The following CRACDL variants were observed in gnomAD, a reference collection of about 807,000 sequenced individuals.
CRACDL encodes CRACD-like protein.
Under a neutral mutation model 70.6 loss-of-function variants are expected in CRACDL, and 26 were observed. The observed-to-expected ratio is 0.37, with a 90% CI of 0.27 to 0.51. The LOEUF (loss-of-function observed/expected upper bound fraction) is 0.51, where lower values mean the gene tolerates loss of function less well. Ranked by LOEUF, CRACDL falls within the 20% of genes least tolerant of loss-of-function variation. The pLI is 0.94. For synonymous variants in CRACDL, 618 were observed against 615.2 expected, an observed-to-expected ratio of 1.00 and a Z score of -0.07; for missense variants, 1,283 against 1,376.9, an observed-to-expected ratio of 0.93 and a Z score of 1.08.
chr2:98,850,841 C>T (rs1706453062), intron 1 of CRACDL, among the ~76,000 whole-genome samples: 1 of 152,182 alleles, frequency 6.6e-6, no homozygotes, highest in Admixed American at 6.5e-5. Flanking sequence ...CCCTAACTGA[C>T]CACAGCCTCC....
In CRACDL at chr2:98,899,808, C is replaced by G. The variant is rs538089837; in HGVS notation, c.-11+36130G>C. Among the ~76,000 whole-genome samples, 812 of 111,596 alleles carry G rather than the reference C, an allele frequency of 7.3e-3. 14 individuals are homozygous for G. Among genetic ancestry groups the G allele is most frequent in the African/African-American group, 0.027 (769 of 28,392 alleles). The allele number at this position is 111,596 out of a possible 152,430, so 73.2% of individuals were successfully genotyped here. On this transcript the variant is annotated intron_variant, in intron 1 of 9. Coordinates refer to ENST00000397899, the MANE Select transcript of CRACDL (RefSeq NM_207362.3). ...CAGGAGGGGAGGCAGGGAATGGAGG[C>G]TCAGTGGGAGGGGAGGCAGATGGAC...
At chr2:98,865,316 G>A (rs75845927) in intron 1 of CRACDL, among the ~76,000 whole-genome samples, 2 of 152,174 alleles carry the variant, frequency 1.3e-5, no homozygotes, top group East Asian at 3.9e-4. Flanking sequence ...AGACCAATCT[G>A]TCCCTTCAGG....
intron 1 of CRACDL, among the ~76,000 whole-genome samples, chr2:98,928,965 G>A (rs1468539887): frequency 2.0e-5 from 3 of 152,096 alleles, no homozygotes; most frequent in Non-Finnish European, 4.4e-5. Context: ...CCCATGGAGA[G>A]GTGTGGCCAT....
chr2:98,827,483 G>T lies in CRACDL; in HGVS notation c.541-314C>A, dbSNP rs576075310. ...ATTTTTGTATTTTTAGTAGAGACAG[G>T]GTTTCACCATGTTGGCCAGGCTGGT... On this transcript the variant is annotated intron_variant, in intron 5 of 9. Coordinates refer to ENST00000397899, the MANE Select transcript of CRACDL (RefSeq NM_207362.3). Among the ~76,000 whole-genome samples, 14 of 152,254 alleles carry T rather than the reference G, an allele frequency of 9.2e-5. No homozygotes were observed. In the East Asian group the frequency reaches 1.9e-3, roughly 21 times the overall value.
rs1708151667 is a variant in CRACDL at position 98,897,278 on chromosome 2, T to C, written c.-11+38660A>G. ...TTTGAGCTTCATCCAAGCTGTTGCA[T>C]GTACCGGTGGTTTGTTCCTTTTACC... On this transcript the variant is annotated intron_variant, in intron 1 of 9. Transcript: ENST00000397899. 11 of 651,110 alleles carry C rather than the reference T, an allele frequency of 1.7e-5. No individual in the cohort carries two copies. In the South Asian group the frequency reaches 1.7e-4, roughly 10 times the overall value. The allele number at this position is 651,110 out of a possible 1,614,324, so 40.3% of individuals were successfully genotyped here.
At chr2:98,803,125 G>A (rs538092590) in intron 7 of CRACDL, among the ~76,000 whole-genome samples, 5 of 150,038 alleles carry the variant, frequency 3.3e-5, no homozygotes, top group Non-Finnish European at 7.4e-5. Context: ...TCAGCCTCCC[G>A]AGTAGCTGGG....
At position 98,795,075 on chromosome 2, in the gene CRACDL, A is replaced by ATTTTTTT. The variant is rs1310155610; in HGVS notation, c.2750-405_2750-404insAAAAAAA. On this transcript the variant is annotated intron_variant, in intron 9 of 9. Transcript: ENST00000397899. ...TATATATATATATATATATATATAT[A>ATTTTTTT]TATTTTTTTTTTTTTTTGAGACAGA... Among the ~76,000 whole-genome samples, 68 of 24,462 alleles carry ATTTTTTT rather than the reference A, an allele frequency of 2.8e-3. 5 individuals are homozygous for ATTTTTTT. Among genetic ancestry groups the ATTTTTTT allele is most frequent in the East Asian group, 0.019 (14 of 732 alleles). 16.0% of individuals were successfully genotyped at this position (24,462 alleles called of 152,430 possible). A position where few individuals can be genotyped will look rare whatever the true frequency, so the allele number is the denominator to read the frequency against.
At chr2:98,818,707 T>A (rs1704899174) in intron 7 of CRACDL, among the ~76,000 whole-genome samples, 1 of 152,202 alleles carries the variant, frequency 6.6e-6, no homozygotes, top group Admixed American at 6.5e-5. Flanking sequence ...GTAGAAGTGA[T>A]AATAATCAAT....
chr2:98,861,576 A>G (rs951321685), intron 1 of CRACDL, among the ~76,000 whole-genome samples: 21 of 152,174 alleles, frequency 1.4e-4, no homozygotes, highest in African/African-American at 4.3e-4. Flanking sequence ...ACATTCCTAG[A>G]TATCTACCTC....
intron 6 of CRACDL, among the ~76,000 whole-genome samples, chr2:98,826,741 T>C (rs1265674191): frequency 2.0e-5 from 3 of 152,218 alleles, no homozygotes; most frequent in Non-Finnish European, 4.4e-5. Context: ...GTGTGAGGAA[T>C]GACGGACAGA....
intron 1 of CRACDL, among the ~76,000 whole-genome samples, chr2:98,898,053 A>G (rs1708176178): frequency 6.6e-6 from 1 of 152,234 alleles, no homozygotes; most frequent in Admixed American, 6.5e-5. Context: ...AGGTTGTCAC[A>G]TATAATCCAA....
At chr2:98,854,750 C>T (rs1329149120) in intron 1 of CRACDL, among the ~76,000 whole-genome samples, 2 of 152,062 alleles carry the variant, frequency 1.3e-5, no homozygotes, top group African/African-American at 4.8e-5. Flanking sequence ...CAGACAAACC[C>T]AAATGAGAGA....
At chr2:98,798,217 T>C (rs1250457218) in intron 7 of CRACDL, among the ~76,000 whole-genome samples, 1 of 152,052 alleles carries the variant, frequency 6.6e-6, no homozygotes, top group Non-Finnish European at 1.5e-5. Flanking sequence ...TGGTGGCACA[T>C]GCCTGTAGTC....
At chr2:98,871,991 A>G (rs1707362027) in intron 1 of CRACDL, among the ~76,000 whole-genome samples, 1 of 152,226 alleles carries the variant, frequency 6.6e-6, no homozygotes, top group Non-Finnish European at 1.5e-5. Context: ...ACACCGCCAT[A>G]AAAAAGAATG....
rs148680541 is a variant in CRACDL at position 98,877,925 on chromosome 2, C to A, written c.-10-31115G>T. Among the ~76,000 whole-genome samples, 5 of 151,212 alleles carry A rather than the reference C, an allele frequency of 3.3e-5. No individual in the cohort carries two copies. In the East Asian group the frequency reaches 5.8e-4, roughly 18 times the overall value. On this transcript the variant is annotated intron_variant, in intron 1 of 9. Transcript: ENST00000397899. Reference sequence around the variant, plus strand: ...TGCAAGCTCCATTCATAGTAAGGAACTATAATGTTGTACCATTTTTAATCT... The same window carrying A: ...TGCAAGCTCCATTCATAGTAAGGAAATATAATGTTGTACCATTTTTAATCT...
At chr2:98,921,257 C>G (rs1361330760) in intron 1 of CRACDL, among the ~76,000 whole-genome samples, 2 of 152,228 alleles carry the variant, frequency 1.3e-5, no homozygotes, top group Non-Finnish European at 2.9e-5. Context: ...GAAGGTCCCA[C>G]CCAGCCCTCC....
At chr2:98,878,750 A>G (rs959155588) in intron 1 of CRACDL, among the ~76,000 whole-genome samples, 2 of 152,210 alleles carry the variant, frequency 1.3e-5, no homozygotes, top group Non-Finnish European at 2.9e-5. Context: ...TAAGCTAAAA[A>G]TATTGTAGTG....
At chr2:98,803,950 C>T (rs929030649) in intron 7 of CRACDL, among the ~76,000 whole-genome samples, 2 of 152,120 alleles carry the variant, frequency 1.3e-5, no homozygotes, top group Non-Finnish European at 2.9e-5. Context: ...ACACATGGGG[C>T]CACACCACTG....
chr2:98,870,890 C>G (rs1407946633), intron 1 of CRACDL, among the ~76,000 whole-genome samples: 1 of 152,206 alleles, frequency 6.6e-6, no homozygotes, highest in Non-Finnish European at 1.5e-5. Flanking sequence ...CACAGAGTGG[C>G]CCAATGCCCG....
Sources: gnomAD v4.1 joint callset for allele counts (sites outside exome capture counted in the v4.1 genomes callset) on GRCh38, gnomAD v4.1.1 for gene constraint, MANE v1.5 for transcripts, NCBI Gene and HGNC (gene_info 2026-07-23, HGNC 2026-07-21) for gene names.